Variants in MAGI2 observed in about 807,000 individuals in gnomAD.
MAGI2 encodes membrane-associated guanylate kinase, WW and PDZ domain-containing protein 2.
Under a neutral mutation model 133.3 loss-of-function variants are expected in MAGI2, and 35 were observed. The ratio of observed to expected loss-of-function variants is 0.26; its 90% CI spans 0.20 to 0.35. The LOEUF is 0.35. MAGI2 is among the 10% of genes least tolerant of loss of function. The pLI is 1.00. For missense variants in MAGI2, 1,636 were observed against 1,863.4 expected (o/e 0.88, Z 2.25); for synonymous variants, 729 against 710.6 (o/e 1.03, Z -0.41).
chr7:78,658,905 C>A (rs747682317), intron 2 of MAGI2, among the ~76,000 whole-genome samples: 5 of 151,994 alleles, frequency 3.3e-5, no homozygotes, highest in Non-Finnish European at 7.4e-5. Context: ...GTTCTCTAAA[C>A]AAACAAACAA....
At chr7:78,642,062 T>C (rs1810373911) in intron 2 of MAGI2, among the ~76,000 whole-genome samples, 1 of 152,202 alleles carries the variant, frequency 6.6e-6, no homozygotes, top group Admixed American at 6.5e-5. Flanking sequence ...AGACATTTCA[T>C]ACAGGGAAGA....
rs1301784265 is a variant in MAGI2 at position 79,352,875 on chromosome 7, G to A, written c.301+100145C>T. Among the ~76,000 whole-genome samples the A allele has an allele frequency of 2.0e-5, 3 of 152,122 alleles. No homozygotes were observed. In the East Asian group the frequency reaches 5.8e-4, roughly 30 times the overall value. Reference sequence around the variant, plus strand: ...GAGAGTCTAAAACTGGGAGCAGAGTGTTGCAAATTGTATAATAATGCCAAC... The same window carrying A: ...GAGAGTCTAAAACTGGGAGCAGAGTATTGCAAATTGTATAATAATGCCAAC... On this transcript the variant is annotated intron_variant, in intron 1 of 21. Coordinates refer to ENST00000354212, the MANE Select transcript of MAGI2 (RefSeq NM_012301.4).
intron 1 of MAGI2, among the ~76,000 whole-genome samples, chr7:79,211,262 G>A (rs566829670): frequency 6.6e-5 from 10 of 151,796 alleles, no homozygotes; most frequent in East Asian, 3.9e-4. Context: ...TTGTTAAAAC[G>A]TACACAAACC....
chr7:79,125,622 A>G (rs1729961334), intron 1 of MAGI2: 1 of 514,896 alleles, frequency 1.9e-6, no homozygotes. Flanking sequence ...GCAATTTTGG[A>G]GGTAGTGGAA....
At chr7:79,263,135 A>G (rs1319247103) in intron 1 of MAGI2, among the ~76,000 whole-genome samples, 1 of 152,164 alleles carries the variant, frequency 6.6e-6, no homozygotes, top group African/African-American at 2.4e-5. Context: ...AACAATAATA[A>G]CCACAACAAA....
intron 2 of MAGI2, among the ~76,000 whole-genome samples, chr7:78,887,143 T>C (rs548548041): frequency 9.2e-5 from 14 of 152,334 alleles, no homozygotes; most frequent in African/African-American, 3.1e-4. Context: ...CTCAGGTATT[T>C]CTTCACAGTA....
At chr7:78,648,803 GA>G (rs148548548) in intron 2 of MAGI2, among the ~76,000 whole-genome samples, 8,085 of 152,200 alleles carry the variant, frequency 0.053, 256 homozygotes, top group Middle Eastern at 0.075. Flanking sequence ...TGAAAGTTGA[GA>G]AGATGGTAAA....
chr7:79,247,780 T>A (rs1381314374), intron 1 of MAGI2, among the ~76,000 whole-genome samples: 1 of 152,186 alleles, frequency 6.6e-6, no homozygotes, highest in African/African-American at 2.4e-5. Flanking sequence ...GCAATATGTG[T>A]TAGGTTGTCA....
chr7:78,365,204 A>G lies in MAGI2; in HGVS notation c.1103+3952T>C, dbSNP rs540845898. On this transcript the variant is annotated intron_variant, in intron 7 of 21. Transcript: ENST00000354212. ...TGGTGGGTAATGGAGCTGGTGGCTC[A>G]GAATGCCTGGGTCAGCAGCCTGTCT... 1.4e-4 allele frequency among the ~76,000 whole-genome samples: 21 copies of G among 152,202 alleles called. No individual in the cohort carries two copies. The East Asian group carries it at 4.1e-3, about 30-fold the overall frequency.
Position 78,489,913 on chromosome 7 carries a change from A to AAG in MAGI2, c.966-74_966-73insCT, listed in dbSNP as rs1793443978. The AAG allele has an allele frequency of 1.3e-5, 16 of 1,235,268 alleles. 1 individual carries two copies. Among genetic ancestry groups the AAG allele is most frequent in the Admixed American group, 6.3e-5 (3 of 47,988 alleles). 76.5% of individuals were successfully genotyped at this position (1,235,268 alleles called of 1,614,324 possible). A position where few individuals can be genotyped will look rare whatever the true frequency, so the allele number is the denominator to read the frequency against. ...CAAGTTTATTCCTTAAGAAAAAAAA[A>AAG]GCAGGGTTAGTCCAACAAAATTGCA... is the stretch of plus-strand genomic sequence containing the variant. On this transcript the variant is annotated intron_variant, in intron 5 of 21. Transcript: ENST00000354212.
intron 2 of MAGI2, among the ~76,000 whole-genome samples, chr7:78,781,439 A>T (rs1243846902): frequency 6.6e-6 from 1 of 151,654 alleles, no homozygotes; most frequent in Non-Finnish European, 1.5e-5. Context: ...CCTACTATGT[A>T]AAAAAAATTT....
intron 9 of MAGI2, among the ~76,000 whole-genome samples, chr7:78,299,640 T>A (rs1018882583): frequency 6.6e-6 from 1 of 152,136 alleles, no homozygotes; most frequent in African/African-American, 2.4e-5. Flanking sequence ...GTACAAGATG[T>A]ACAGGTTTGT....
At chr7:78,946,746 C>T (rs1197045979) in intron 2 of MAGI2, 2 of 152,054 alleles carry the variant, frequency 1.3e-5, no homozygotes, top group Non-Finnish European at 2.9e-5. Flanking sequence ...TGTTAGAATG[C>T]CTTTGACACA....
At chr7:78,644,682 T>C (rs1201754471) in intron 2 of MAGI2, among the ~76,000 whole-genome samples, 1 of 152,060 alleles carries the variant, frequency 6.6e-6, no homozygotes, top group East Asian at 1.9e-4. Context: ...CTCGAAATAC[T>C]TATATTAGAA....
intron 2 of MAGI2, among the ~76,000 whole-genome samples, chr7:78,694,106 T>G (rs1817250567): frequency 6.6e-6 from 1 of 152,068 alleles, no homozygotes; most frequent in African/African-American, 2.4e-5. Context: ...ACTGGGAGCC[T>G]CAGTTTCCCA....
intron 1 of MAGI2, among the ~76,000 whole-genome samples, chr7:79,425,881 T>C (rs979277954): frequency 2.0e-5 from 3 of 152,038 alleles, no homozygotes; most frequent in Non-Finnish European, 4.4e-5. Context: ...ATTGTGCAGA[T>C]TGTTTAACGA....
chr7:78,542,221 A>C (rs575781668), intron 3 of MAGI2, among the ~76,000 whole-genome samples: 1 of 152,336 alleles, frequency 6.6e-6, no homozygotes, highest in African/African-American at 2.4e-5. Context: ...AAAAATAGAA[A>C]GTAGACTGGA....
At chr7:78,152,606 A>G (rs1453110026) in intron 16 of MAGI2, among the ~76,000 whole-genome samples, 1 of 152,246 alleles carries the variant, frequency 6.6e-6, no homozygotes, top group African/African-American at 2.4e-5. Flanking sequence ...GACTGAAAAC[A>G]TATTATATCA....
At chr7:79,261,371 A>T (rs1834077263) in intron 1 of MAGI2, among the ~76,000 whole-genome samples, 1 of 152,206 alleles carries the variant, frequency 6.6e-6, no homozygotes, top group African/African-American at 2.4e-5. Context: ...AAATTGCTTG[A>T]ATCCGTTTTG....
Sources: gnomAD v4.1 joint callset for allele counts (sites outside exome capture counted in the v4.1 genomes callset) on GRCh38, gnomAD v4.1.1 for gene constraint, MANE v1.5 for transcripts, NCBI Gene and HGNC (gene_info 2026-07-23, HGNC 2026-07-21) for gene names.